KIF4A: variants seen among roughly 807,000 people sequenced by gnomAD.
KIF4A encodes the protein kinesin family member 4A.
Under a neutral mutation model 105.9 loss-of-function variants are expected in KIF4A, and 7 were observed. That is an observed-to-expected ratio of 0.07 (90% confidence interval 0.04 to 0.12). The LOEUF is 0.12. Among genes scored for constraint, KIF4A ranks in the 10% least tolerant of loss-of-function variants. The probability of loss-of-function intolerance (pLI) is 1.00; values close to 1 mark genes in which losing one functional copy is unlikely to be tolerated. For synonymous variants in KIF4A, 281 were observed against 331.3 expected (o/e 0.85, Z 1.65); for missense variants, 558 against 929.2 (o/e 0.60, Z 5.19).
At chrX:70,371,819 C>T (rs1240169281) in intron 15 of KIF4A, among the ~76,000 whole-genome samples, 12 of 101,077 alleles carry the variant, frequency 1.2e-4, no homozygotes, top group African/African-American at 2.6e-4. Flanking sequence ...GGGCGGCTGC[C>T]GGGCGGAGGG....
At chrX:70,409,578 C>T (rs1314128258) in intron 28 of KIF4A, among the ~76,000 whole-genome samples, 4 of 110,846 alleles carry the variant, frequency 3.6e-5, no homozygotes, top group African/African-American at 9.9e-5. Context: ...AGGCGGATCA[C>T]CTGAGGTCAG....
intron 7 of KIF4A, among the ~76,000 whole-genome samples, chrX:70,307,985 A>G (rs921702013): frequency 2.7e-5 from 3 of 112,332 alleles, no homozygotes; most frequent in African/African-American, 6.5e-5. Flanking sequence ...TTCAACACTC[A>G]GGCACTTTTA....
At chrX:70,341,086 C>T (rs929672243) in intron 10 of KIF4A, among the ~76,000 whole-genome samples, 1 of 111,278 alleles carries the variant, frequency 9.0e-6, no homozygotes, top group Non-Finnish European at 1.9e-5. Context: ...CCCTTTTCCT[C>T]GTATTTGAAA....
chrX:70,341,188 C>G (rs963562655), intron 10 of KIF4A, among the ~76,000 whole-genome samples: 1 of 111,668 alleles, frequency 9.0e-6, no homozygotes, highest in Non-Finnish European at 1.9e-5. Flanking sequence ...CCAAGCAAAG[C>G]AAGCATTTAG....
intron 20 of KIF4A, 76 bp from the exon 21 acceptor site, chrX:70,395,594 TA>T: frequency 1.7e-6 from 2 of 1,155,281 alleles, no homozygotes; most frequent in Non-Finnish European, 2.4e-6. Context: ...CAAATGAAGT[TA>T]AGTCTGGAGC....
intron 20 of KIF4A, among the ~76,000 whole-genome samples, chrX:70,394,788 C>T (rs772604322): frequency 8.0e-5 from 9 of 111,950 alleles, no homozygotes; most frequent in African/African-American, 2.9e-4. Flanking sequence ...ATTGAACAAT[C>T]GGCTCCTTTA....
intron 20 of KIF4A, among the ~76,000 whole-genome samples, chrX:70,393,072 T>C (rs1052401823): frequency 9.1e-6 from 1 of 109,919 alleles, no homozygotes; most frequent in Admixed American, 9.8e-5. Flanking sequence ...TTCAGTGCTA[T>C]AAGTTTCCCC....
intron 15 of KIF4A, among the ~76,000 whole-genome samples, chrX:70,372,516 G>C (rs900126909): frequency 8.8e-6 from 1 of 114,214 alleles, no homozygotes; most frequent in African/African-American, 3.2e-5. Context: ...GGTGGCGCGC[G>C]CCTGCAATCG....
At chrX:70,414,126 C>G (rs886662178) in intron 28 of KIF4A, among the ~76,000 whole-genome samples, 1 of 111,365 alleles carries the variant, frequency 9.0e-6, no homozygotes, top group Non-Finnish European at 1.9e-5. Context: ...CAATTTCTTT[C>G]AAAACAATCT....
intron 15 of KIF4A, among the ~76,000 whole-genome samples, chrX:70,365,976 G>T (rs2147713697): frequency 9.0e-6 from 1 of 111,214 alleles, no homozygotes; most frequent in East Asian, 2.8e-4. Context: ...TCTTGGGAGG[G>T]TGTATGTGTC....
Position 70,350,198 on chromosome X carries a change from T to C in KIF4A, c.1432-2402T>C, listed in dbSNP as rs766198846. ...CCACTGCACTCCAGCCTGGGCAACA[T>C]TGAGCATTGAGTGAGCGAGACTCCG... On this transcript the variant is annotated intron_variant, in intron 13 of 30. Transcript: ENST00000374403. Among the ~76,000 whole-genome samples, 293 of 110,364 alleles carry C rather than the reference T, an allele frequency of 2.7e-3. 1 individual carries two copies. Among genetic ancestry groups the C allele is most frequent in the Middle Eastern group, 4.8e-3 (1 of 209 alleles).
chrX:70,307,342 T>G (rs2147663536), intron 7 of KIF4A, among the ~76,000 whole-genome samples: 1 of 111,400 alleles, frequency 9.0e-6, no homozygotes, highest in South Asian at 3.8e-4. Context: ...TTATTAGTTC[T>G]AATAGCTTTT....
At chrX:70,364,120 A>T (rs1271811136) in intron 15 of KIF4A, among the ~76,000 whole-genome samples, 2 of 111,604 alleles carry the variant, frequency 1.8e-5, no homozygotes, top group African/African-American at 6.5e-5. Flanking sequence ...GTTTGAGTTC[A>T]TTGTAGATTC....
rs187201571 is a variant in KIF4A at position 70,314,697 on chromosome X, T to C, written c.778+12299T>C. 6.3e-3 allele frequency among the ~76,000 whole-genome samples: 699 copies of C among 111,373 alleles called. 6 individuals are homozygous for C. The highest frequency in any genetic ancestry group is 0.021 in the African/African-American group (655 of 30,654). ...CAAAGAGCCACTAGTAAATATTAAA[T>C]AATATTAGTAAATACTAAATATGAG... is the stretch of plus-strand genomic sequence containing the variant. On this transcript the variant is annotated intron_variant, in intron 7 of 30. Coordinates refer to ENST00000374403, the MANE Select transcript of KIF4A (RefSeq NM_012310.5).
At chrX:70,353,422 A>T (rs1374745202) in intron 14 of KIF4A, among the ~76,000 whole-genome samples, 200 bp from the exon 15 acceptor site, 1 of 112,238 alleles carries the variant, frequency 8.9e-6, no homozygotes, top group Non-Finnish European at 1.9e-5. Context: ...AAAGTATATA[A>T]GAAATAAGGT....
chrX:70,351,440 A>G (rs1027743210), intron 13 of KIF4A, among the ~76,000 whole-genome samples: 1 of 112,167 alleles, frequency 8.9e-6, no homozygotes, highest in African/African-American at 3.2e-5. Context: ...AATGGCCTCT[A>G]GTTTCATTCA....
chrX:70,328,019 G>A (rs192595791), intron 7 of KIF4A, among the ~76,000 whole-genome samples: 2 of 111,641 alleles, frequency 1.8e-5, no homozygotes, highest in East Asian at 5.6e-4. Context: ...AAAGGGTGAA[G>A]AACAGGATCC....
At chrX:70,374,097 T>C (rs1310785174) in intron 15 of KIF4A, 54 bp from the exon 16 acceptor site, 2 of 728,133 alleles carry the variant, frequency 2.7e-6, no homozygotes, top group African/African-American at 4.3e-5. Context: ...TGAAGTGATT[T>C]TTCTTCCTGT....
chrX:70,349,771 G>GGGT (rs1178744002), intron 13 of KIF4A, among the ~76,000 whole-genome samples: 3 of 81,474 alleles, frequency 3.7e-5, no homozygotes, highest in Non-Finnish European at 6.9e-5. Flanking sequence ...TTCCCAGACG[G>GGGT]GGCGGCCGGG....
Sources: gnomAD v4.1 joint callset for allele counts (sites outside exome capture counted in the v4.1 genomes callset) on GRCh38, gnomAD v4.1.1 for gene constraint, MANE v1.5 for transcripts, NCBI Gene and HGNC (gene_info 2026-07-23, HGNC 2026-07-21) for gene names.